The following LGR5 variants were observed in gnomAD, a reference collection of about 807,000 sequenced individuals.
LGR5 encodes the protein leucine-rich repeat-containing G protein-coupled receptor 5.
In LGR5, 54 loss-of-function variants were observed where a neutral mutation model predicts 76.7. The observed-to-expected ratio is 0.70, with a 90% CI of 0.57 to 0.88. The LOEUF is 0.88. LGR5 is among the 40% of genes least tolerant of loss of function. The probability of loss-of-function intolerance (pLI) is 0.00; values close to 1 mark genes in which losing one functional copy is unlikely to be tolerated. For missense variants in LGR5, 1,078 were observed against 1,073.3 expected, an observed-to-expected ratio of 1.00 and a Z score of -0.06; for synonymous variants, 406 against 421.9, an observed-to-expected ratio of 0.96 and a Z score of 0.46.
chr12:71,554,998 C>T (rs1390866108), intron 5 of LGR5, among the ~76,000 whole-genome samples: 1 of 152,130 alleles, frequency 6.6e-6, no homozygotes, highest in Non-Finnish European at 1.5e-5. Context: ...AATCATTCCA[C>T]TTGATGACAT....
intron 1 of LGR5, among the ~76,000 whole-genome samples, chr12:71,453,943 G>T (rs973937430): frequency 4.6e-5 from 7 of 152,088 alleles, no homozygotes; most frequent in African/African-American, 1.7e-4. Flanking sequence ...TATCAATGAT[G>T]TGACTCTGTG....
At chr12:71,577,852 C>A in intron 13 of LGR5, 73 bp from the exon 14 acceptor site, 1 of 959,880 alleles carries the variant, frequency 1.0e-6, no homozygotes. Context: ...TGGTAGAAGA[C>A]TAAATGCATA....
chr12:71,464,625 T>C (rs1872791448), intron 1 of LGR5, among the ~76,000 whole-genome samples: 1 of 152,174 alleles, frequency 6.6e-6, no homozygotes, highest in Admixed American at 6.5e-5. Context: ...GCTACAATTA[T>C]GGCCCTAGAG....
chr12:71,440,165 G>A lies in LGR5; in HGVS notation c.85G>A (p.Val29Met). 1 of 1,611,620 alleles carries A rather than the reference G, an allele frequency of 6.2e-7. No homozygotes were observed. Among genetic ancestry groups the A allele is most frequent in the Non-Finnish European group, 8.5e-7 (1 of 1,179,730 alleles). ...CGGGGGCAGCTCTCCCAGGTCTGGT[G>A]TGTTGCTGAGGGGCTGCCCCACACA... Reference protein sequence around the residue: ...ATGGSSPRSGVLLRGCPTHCH... With the variant: ...ATGGSSPRSGMLLRGCPTHCH... Residue 29 changes from valine to methionine, a missense_variant, in exon 1 of 18, where the codon GTG becomes ATG. By Grantham distance (21) the Val-to-Met change is conservative. Transcript: ENST00000266674. The surrounding 1 kb of genome is among the most constrained non-coding windows in gnomAD (Gnocchi z 5.3).
rs1168128477 is a variant in LGR5, at chr12:71,440,640, C to T, written c.212+348C>T. On this transcript the variant is annotated intron_variant, in intron 1 of 17. Transcript: ENST00000266674. This position sits in a 1 kb window ranked among gnomAD's most constrained non-coding sequence, Gnocchi z 5.3. ...GACATTTGTGACCCAGAGCCTGGTA[C>T]CCAAAGGCAGGCTGCCATCTGGTCC... Among the ~76,000 whole-genome samples the T allele has an allele frequency of 6.6e-6, 1 of 152,184 alleles. No homozygotes were observed. The highest frequency in any genetic ancestry group is 1.5e-5 in the Non-Finnish European group (1 of 68,032).
At chr12:71,568,459 G>A (rs1487927160) in intron 11 of LGR5, among the ~76,000 whole-genome samples, 1 of 152,190 alleles carries the variant, frequency 6.6e-6, no homozygotes, top group Admixed American at 6.5e-5. Flanking sequence ...CTCTCAGTCA[G>A]TGTTAACTTT....
At chr12:71,505,138 C>T (rs1036468077) in intron 2 of LGR5, among the ~76,000 whole-genome samples, 17 of 152,142 alleles carry the variant, frequency 1.1e-4, no homozygotes, top group Non-Finnish European at 2.2e-4. Context: ...ACTTCTTGTC[C>T]TAATCACTTT....
intron 2 of LGR5, among the ~76,000 whole-genome samples, chr12:71,519,024 T>C (rs867088856): frequency 2.0e-5 from 3 of 152,228 alleles, no homozygotes; most frequent in Non-Finnish European, 2.9e-5. Flanking sequence ...CAGAAGGACA[T>C]TTCTAAAACA....
intron 1 of LGR5, among the ~76,000 whole-genome samples, chr12:71,483,337 T>A (rs1873692230): frequency 6.6e-6 from 1 of 151,934 alleles, no homozygotes; most frequent in Non-Finnish European, 1.5e-5. Flanking sequence ...AAAGGCTAGG[T>A]AGAAGCAGAG....
intron 1 of LGR5, among the ~76,000 whole-genome samples, chr12:71,453,228 A>T (rs1384051410): frequency 1.3e-5 from 2 of 152,204 alleles, no homozygotes; most frequent in Non-Finnish European, 2.9e-5. Flanking sequence ...TTTGTTTCTG[A>T]TCCTTGGTAT....
At chr12:71,503,342 T>A (rs1423393772) in intron 1 of LGR5, among the ~76,000 whole-genome samples, 1 of 152,216 alleles carries the variant, frequency 6.6e-6, no homozygotes, top group Non-Finnish European at 1.5e-5. Flanking sequence ...CATTGTCTAG[T>A]CTTAGCTTAA....
chr12:71,553,341 A>G, intron 5 of LGR5, 53 bp downstream of exon 5: 1 of 1,482,300 alleles, frequency 6.7e-7, no homozygotes, highest in Admixed American at 1.7e-5. Flanking sequence ...TCACTGGAAG[A>G]CCTTGGCCTT....
chr12:71,493,852 G>C (rs945614938), intron 1 of LGR5, among the ~76,000 whole-genome samples: 15 of 149,608 alleles, frequency 1.0e-4, no homozygotes, highest in African/African-American at 3.8e-4. Context: ...CACTGAAGCG[G>C]TGACCTTCTA....
chr12:71,577,174 T>C (rs1481438067), intron 13 of LGR5, among the ~76,000 whole-genome samples: 1 of 152,226 alleles, frequency 6.6e-6, no homozygotes, highest in Non-Finnish European at 1.5e-5. Context: ...TTAGTTACCA[T>C]TGTTAGTCAT....
chr12:71,532,956 C>T (rs1393132980), intron 3 of LGR5, among the ~76,000 whole-genome samples: 3 of 152,262 alleles, frequency 2.0e-5, no homozygotes, highest in South Asian at 4.1e-4. Flanking sequence ...ACTCTAAAGG[C>T]TGAGGCGGGA....
intron 17 of LGR5, among the ~76,000 whole-genome samples, chr12:71,583,098 T>C (rs948728330): frequency 6.6e-6 from 1 of 151,962 alleles, no homozygotes; most frequent in African/African-American, 2.4e-5. Context: ...TTTGTCTCAT[T>C]CCAAAAAACA....
At chr12:71,482,811 T>A (rs2137263263) in intron 1 of LGR5, among the ~76,000 whole-genome samples, 1 of 152,308 alleles carries the variant, frequency 6.6e-6, no homozygotes, top group African/African-American at 2.4e-5. Flanking sequence ...TAGTTTGATA[T>A]TTTTTATGCA....
chr12:71,578,884 A>G lies in LGR5; in HGVS notation c.1361A>G (p.His454Arg). 6.2e-7 allele frequency: 1 copy of G among 1,613,044 alleles called. No homozygotes were observed. Among genetic ancestry groups the G allele is most frequent in the Non-Finnish European group, 8.5e-7 (1 of 1,179,392 alleles). ...ACTCACTTAAAATTAACAGGAAATC[A>G]TGCCTTACAGAGCTTGATATCATCT... ...GLTHLKLTGN[H>R]ALQSLISSEN... is the part of the protein sequence containing the mutation. Residue 454 changes from histidine to arginine, a missense_variant, in exon 15 of 18, where the codon CAT becomes CGT. Coordinates refer to ENST00000266674, the MANE Select transcript of LGR5 (RefSeq NM_003667.4).
intron 8 of LGR5, among the ~76,000 whole-genome samples, chr12:71,565,472 C>CATAT (rs3070195): frequency 2.1e-5 from 3 of 144,006 alleles, no homozygotes; most frequent in Admixed American, 7.0e-5. Flanking sequence ...TATACATATA[C>CATAT]ATATATATAT....
Sources: allele counts gnomAD v4.1 joint callset (sites outside exome capture counted in the v4.1 genomes callset), GRCh38; gene constraint gnomAD v4.1.1; non-coding constraint Gnocchi (gnomAD v3.1); transcripts MANE v1.5; gene names NCBI Gene and HGNC (gene_info 2026-07-23, HGNC 2026-07-21).